Variants in TMEM150B observed in about 807,000 individuals in gnomAD.
TMEM150B encodes the protein transmembrane protein 150B.
TMEM150B carries 33 observed loss-of-function variants against 25.2 expected under a neutral mutation model. The observed-to-expected ratio is 1.31, with a 90% CI of 0.99 to 1.75. The LOEUF is 1.75. Ranked by LOEUF, TMEM150B falls within the 40% of genes most tolerant of loss-of-function variation. The pLI is 0.00. For missense variants in TMEM150B, 322 were observed against 306.1 expected, an observed-to-expected ratio of 1.05 and a Z score of -0.39; for synonymous variants, 133 against 134.8, an observed-to-expected ratio of 0.99 and a Z score of 0.09.
At chr19:55,310,910 G>C (rs985289916), downstream of TMEM150B, among the ~76,000 whole-genome samples, 1 of 152,076 alleles carries the variant, frequency 6.6e-6, no homozygotes. The surrounding 1 kb of genome is among the most constrained non-coding windows in gnomAD (Gnocchi z 5.0). Flanking sequence ...AGAATGGGGT[G>C]GGGGGTGCAG....
downstream of TMEM150B, chr19:55,312,533 CAAAAAAAAAAAAAAAA>C (rs372052269): frequency 4.7e-4 from 12 of 25,736 alleles, 2 homozygotes; most frequent in Admixed American, 2.1e-3. Context: ...CCGCCGGCGG[CAAAAAAAAAAAAAAAA>C]AAAAAAAAAA....
At chr19:55,324,840 C>T (rs995086778) in intron 1 of TMEM150B, 45 of 985,206 alleles carry the variant, frequency 4.6e-5, no homozygotes, top group Non-Finnish European at 5.3e-5. Flanking sequence ...ATCTGAGCCA[C>T]CCCCTGCCCT....
downstream of TMEM150B, chr19:55,311,936 G>A (rs1186929628): frequency 6.2e-7 from 1 of 1,611,308 alleles, no homozygotes; most frequent in Non-Finnish European, 8.5e-7. Flanking sequence ...CCCAGACCCG[G>A]CCTGCTGGTG....
At chr19:55,311,807 G>T (rs1221268813), downstream of TMEM150B, 24 of 1,246,994 alleles carry the variant, frequency 1.9e-5, no homozygotes, top group Non-Finnish European at 2.7e-5. Context: ...GAGCCTCGGG[G>T]TTACTGAGAC....
At chr19:55,320,298 G>A in intron 5 of TMEM150B, 93 bp downstream of exon 5, 1 of 1,500,830 alleles carries the variant, frequency 6.7e-7, no homozygotes, top group Non-Finnish European at 9.0e-7. Context: ...GAGGGGCCTG[G>A]GGCATGGACT....
intron 2 of TMEM150B, among the ~76,000 whole-genome samples, chr19:55,321,900 T>TC (rs2089216912): frequency 6.6e-6 from 1 of 152,056 alleles, no homozygotes; most frequent in Non-Finnish European, 1.5e-5. Context: ...CCCTGCCTCC[T>TC]CCCCTCCACT....
In TMEM150B at chr19:55,321,103, C is replaced by G. The variant is rs2089196110; in HGVS notation, c.-57-10G>C. ...CCTGTCTCTCTCACACCTGAAGAAC[C>G]AGCCCTCAAGGAGGGCCCAGGTGCA... On this transcript the variant is annotated splice_polypyrimidine_tract_variant and intron_variant, in intron 2 of 7. Transcript: ENST00000326652. 6.4e-7 allele frequency: 1 copy of G among 1,556,428 alleles called. No individual in the cohort carries two copies. Among genetic ancestry groups the G allele is most frequent in the African/African-American group, 1.4e-5 (1 of 72,984 alleles).
At chr19:55,312,283 G>T (rs2088819434), downstream of TMEM150B, 2 of 228,738 alleles carry the variant, frequency 8.7e-6, no homozygotes, top group East Asian at 8.3e-5. Flanking sequence ...TTTATTTATT[G>T]ATTAATTTAT....
intron 2 of TMEM150B, 33 bp from the exon 3 acceptor site, chr19:55,321,126 G>A: frequency 2.0e-6 from 3 of 1,506,156 alleles, no homozygotes; most frequent in South Asian, 2.6e-5. Flanking sequence ...GGGCCCAGGT[G>A]CATGAGATTG....
At chr19:55,316,554 G>A (rs1050831656) in intron 7 of TMEM150B, among the ~76,000 whole-genome samples, 2 of 152,012 alleles carry the variant, frequency 1.3e-5, no homozygotes, top group African/African-American at 2.4e-5. Flanking sequence ...CATTGACACC[G>A]AGAAGTAACA....
At position 55,320,405 on chromosome 19, in the gene TMEM150B, A is replaced by G. The variant is rs376044507; in HGVS notation, c.182T>C (p.Met61Thr). The change falls in exon 5 of 8, where the codon ATG (methionine) becomes ACG (threonine). Residue 61 changes from methionine (M) to threonine (T), a missense_variant. By Grantham distance (81) the Met-to-Thr change is moderately conservative. Coordinates refer to ENST00000326652, the MANE Select transcript of TMEM150B (RefSeq NM_001282011.2). ...QSCIFSQVLN[M>T]GAALAAWICI... ...GCAATATTTACCCAGAGCAGCTCCC[A>G]TATTGAGCACCTGGCTGAAGATGCA... 1.9e-6 allele frequency: 3 copies of G among 1,568,824 alleles called. No homozygotes were observed. Among genetic ancestry groups the G allele is most frequent in the African/African-American group, 2.7e-5 (2 of 73,696 alleles).
chr19:55,324,570 C>G (rs2089286793), intron 1 of TMEM150B, among the ~76,000 whole-genome samples: 1 of 152,132 alleles, frequency 6.6e-6, no homozygotes, highest in Non-Finnish European at 1.5e-5. Context: ...ATCGCTTGAA[C>G]CCAGGAGGCG....
chr19:55,317,112 T>G, intron 6 of TMEM150B, 146 bp from the exon 7 acceptor site: 3 of 668,132 alleles, frequency 4.5e-6, no homozygotes, highest in Non-Finnish European at 7.2e-6. Context: ...ACATCAGCTA[T>G]TGTCAGCTCC....
At chr19:55,318,507 G>C (rs955939373) in intron 6 of TMEM150B, among the ~76,000 whole-genome samples, 1 of 152,004 alleles carries the variant, frequency 6.6e-6, no homozygotes, top group Non-Finnish European at 1.5e-5. Flanking sequence ...CTGGTGGCAG[G>C]TGCCTGTAGT....
intron 1 of TMEM150B, among the ~76,000 whole-genome samples, chr19:55,324,407 T>G (rs2123151914): frequency 6.6e-6 from 1 of 151,770 alleles, no homozygotes; most frequent in East Asian, 2.0e-4. Context: ...CCCAGCACTT[T>G]GGGAGGCCGA....
intron 6 of TMEM150B, 28 bp from the exon 7 acceptor site, chr19:55,316,994 G>A: frequency 6.3e-7 from 1 of 1,581,174 alleles, no homozygotes; most frequent in Admixed American, 1.9e-5. Flanking sequence ...AAGTTGGGAG[G>A]GAGACTCTGG....
intron 3 of TMEM150B, 133 bp from the exon 4 acceptor site, chr19:55,320,750 A>G: frequency 8.7e-7 from 1 of 1,154,452 alleles, no homozygotes; most frequent in Non-Finnish European, 1.2e-6. Context: ...CCTCCCTCAG[A>G]CCCAGGAGTC....
In TMEM150B at chr19:55,313,003, C is replaced by G. The variant is rs1162916443; in HGVS notation, c.558G>C (p.Trp186Cys). The G allele has an allele frequency of 3.1e-6, 5 of 1,613,508 alleles. No homozygotes were observed. The highest frequency in any genetic ancestry group is 1.7e-4 in the Middle Eastern group (1 of 5,946). Residue 186 changes from tryptophan to cysteine, a missense_variant, in exon 8 of 8, where the codon TGG becomes TGC. By Grantham distance (215) the Trp-to-Cys change is radical. Transcript: ENST00000326652. ...SLRSVSAACEWVVAMLLFALF... is the reference protein window; with the variant it reads ...SLRSVSAACECVVAMLLFALF... The stretch of plus-strand genomic sequence containing the variant: ...GCGCGAACAGCAGCATGGCCACGAC[C>G]CACTCGCAGGCCGCAGAGACGCTAC...
At chr19:55,311,894 C>T (rs757982760), downstream of TMEM150B, 11 of 1,610,526 alleles carry the variant, frequency 6.8e-6, no homozygotes, top group Admixed American at 8.4e-5. Context: ...CACGAAAAAC[C>T]TCTTCCTCCC....
Sources: allele counts gnomAD v4.1 joint callset (sites outside exome capture counted in the v4.1 genomes callset), GRCh38; gene constraint gnomAD v4.1.1; non-coding constraint Gnocchi (gnomAD v3.1); transcripts MANE v1.5; gene names NCBI Gene and HGNC (gene_info 2026-07-23, HGNC 2026-07-21).